The following FAM171B variants were observed in gnomAD, a reference collection of about 807,000 sequenced individuals.
The protein encoded by FAM171B is family with sequence similarity 171 member B, also known as protein FAM171B.
FAM171B carries 19 observed loss-of-function variants against 75.6 expected under a neutral mutation model. The ratio of observed to expected loss-of-function variants is 0.25; its 90% CI spans 0.18 to 0.37. FAM171B has a LOEUF of 0.37. Among genes scored for constraint, FAM171B ranks in the 10% least tolerant of loss-of-function variants. FAM171B has a pLI of 1.00. For missense variants in FAM171B, 848 were observed against 982.4 expected (o/e 0.86, Z 1.83); for synonymous variants, 367 against 361.7 (o/e 1.01, Z -0.17).
At chr2:186,717,423 A>G (rs754416169) in intron 1 of FAM171B, among the ~76,000 whole-genome samples, 11 of 152,178 alleles carry the variant, frequency 7.2e-5, no homozygotes, top group Non-Finnish European at 1.3e-4. Context: ...CTGTTCTGGT[A>G]TTAAGAGGAG....
chr2:186,724,763 G>C (rs138390148), intron 1 of FAM171B, among the ~76,000 whole-genome samples: 17 of 152,192 alleles, frequency 1.1e-4, no homozygotes, highest in Non-Finnish European at 1.8e-4. Flanking sequence ...CTGGAGGTGA[G>C]AGCGTGCCTG....
At chr2:186,760,078 T>C (rs778351272) in intron 6 of FAM171B, among the ~76,000 whole-genome samples, 1 of 152,140 alleles carries the variant, frequency 6.6e-6, no homozygotes, top group Non-Finnish European at 1.5e-5. Context: ...GCACCTTTGT[T>C]GAAAATGAAT....
chr2:186,722,238 T>C (rs1313627687), intron 1 of FAM171B, among the ~76,000 whole-genome samples: 1 of 152,204 alleles, frequency 6.6e-6, no homozygotes, highest in Non-Finnish European at 1.5e-5. Flanking sequence ...GTTTGGGACC[T>C]GCCCCAAATC....
At chr2:186,754,200 A>G (rs1045061365) in intron 6 of FAM171B, 151 bp downstream of exon 6, 5 of 567,470 alleles carry the variant, frequency 8.8e-6, no homozygotes, top group African/African-American at 7.8e-5. Flanking sequence ...TTTTTTTTTC[A>G]TGTGTATCAG....
intron 3 of FAM171B, 137 bp from the exon 4 acceptor site, chr2:186,746,955 A>T (rs1653529222): frequency 1.6e-6 from 1 of 638,740 alleles, no homozygotes; most frequent in Admixed American, 3.3e-5. Flanking sequence ...TTCTGCATTT[A>T]AAATAATTAC....
intron 1 of FAM171B, among the ~76,000 whole-genome samples, chr2:186,718,126 A>G (rs1689899385): frequency 6.6e-6 from 1 of 152,052 alleles, no homozygotes; most frequent in Non-Finnish European, 1.5e-5. Flanking sequence ...CTCCTTTGTC[A>G]TTGCCTCTGC....
intron 1 of FAM171B, among the ~76,000 whole-genome samples, chr2:186,700,145 A>G (rs1201976979): frequency 2.1e-5 from 3 of 145,088 alleles, no homozygotes; most frequent in Admixed American, 6.9e-5. Flanking sequence ...ATTTTAGGTT[A>G]TTTTTTTCTA....
At chr2:186,722,831 A>T (rs2105779444) in intron 1 of FAM171B, among the ~76,000 whole-genome samples, 1 of 152,220 alleles carries the variant, frequency 6.6e-6, no homozygotes, top group East Asian at 1.9e-4. Flanking sequence ...GTTCAGTCTT[A>T]CCCCATTTCC....
chr2:186,729,661 T>TTTTTG (rs933540590), intron 1 of FAM171B, among the ~76,000 whole-genome samples: 6 of 152,296 alleles, frequency 3.9e-5, no homozygotes, highest in African/African-American at 7.2e-5. Flanking sequence ...GCTGAGGTTT[T>TTTTTG]TTTTGTTTTG....
In FAM171B at chr2:186,765,399, T is replaced by C. The variant is rs1690684998; in HGVS notation, c.*2576T>C. ...AAGCACAGCTGTATGTATTTTTGAA[T>C]ACATATTATGATCTTGAGACTTTAT... On this transcript the variant is annotated 3_prime_UTR_variant, in exon 8 of 8. Coordinates refer to ENST00000304698, the MANE Select transcript of FAM171B (RefSeq NM_177454.4). 1 of 152,068 alleles carries C rather than the reference T, an allele frequency of 6.6e-6. No homozygotes were observed. Among genetic ancestry groups the C allele is most frequent in the Non-Finnish European group, 1.5e-5 (1 of 67,946 alleles). 9.4% of individuals were successfully genotyped at this position (152,068 alleles called of 1,614,324 possible). A position where few individuals can be genotyped will look rare whatever the true frequency, so the allele number is the denominator to read the frequency against.
intron 1 of FAM171B, among the ~76,000 whole-genome samples, chr2:186,707,852 AAAG>A (rs1689754175): frequency 6.6e-6 from 1 of 151,730 alleles, no homozygotes; most frequent in Non-Finnish European, 1.5e-5. Context: ...AAAAAAAAAA[AAAG>A]GTTTTTCATT....
At chr2:186,703,102 A>ACAC (rs1689686994) in intron 1 of FAM171B, among the ~76,000 whole-genome samples, 6 of 127,926 alleles carry the variant, frequency 4.7e-5, no homozygotes, top group East Asian at 2.7e-4. Context: ...CACACACACA[A>ACAC]AAGATCTCAC....
chr2:186,730,741 A>G (rs1690102881), intron 1 of FAM171B, among the ~76,000 whole-genome samples: 1 of 152,270 alleles, frequency 6.6e-6, no homozygotes, highest in Non-Finnish European at 1.5e-5. Flanking sequence ...AACATTTTAT[A>G]AATCAAATCC....
At chr2:186,723,204 A>T (rs1689980961) in intron 1 of FAM171B, among the ~76,000 whole-genome samples, 2 of 152,236 alleles carry the variant, frequency 1.3e-5, no homozygotes, top group South Asian at 4.1e-4. Context: ...GGATCTAACC[A>T]GATTTCCACT....
chr2:186,751,809 C>T (rs936672933), intron 5 of FAM171B, among the ~76,000 whole-genome samples: 3 of 152,244 alleles, frequency 2.0e-5, no homozygotes, highest in African/African-American at 7.2e-5. Flanking sequence ...TTTTCATCCT[C>T]AGCTTCCCTT....
chr2:186,701,023 T>C (rs549332799), intron 1 of FAM171B, among the ~76,000 whole-genome samples: 2 of 152,158 alleles, frequency 1.3e-5, no homozygotes, highest in African/African-American at 4.8e-5. Flanking sequence ...CTCAAGTGAT[T>C]CTCCTGCCTT....
At chr2:186,708,694 G>A (rs1574097546) in intron 1 of FAM171B, among the ~76,000 whole-genome samples, 1 of 152,238 alleles carries the variant, frequency 6.6e-6, no homozygotes, top group East Asian at 1.9e-4. Context: ...TAATAAAGTG[G>A]CAGACTTAAG....
At chr2:186,737,940 C>G (rs773207341) in intron 1 of FAM171B, among the ~76,000 whole-genome samples, 2 of 152,210 alleles carry the variant, frequency 1.3e-5, no homozygotes, top group Non-Finnish European at 2.9e-5. Context: ...GTGCTCGGCT[C>G]GCGCCTGCTC....
intron 1 of FAM171B, among the ~76,000 whole-genome samples, chr2:186,703,752 A>G (rs1400922646): frequency 6.6e-6 from 1 of 152,136 alleles, no homozygotes; most frequent in Non-Finnish European, 1.5e-5. Context: ...AACTTGAAAC[A>G]TGCTGCTAAT....
Sources: allele counts gnomAD v4.1 joint callset (sites outside exome capture counted in the v4.1 genomes callset), GRCh38; gene constraint gnomAD v4.1.1; transcripts MANE v1.5; gene names NCBI Gene and HGNC (gene_info 2026-07-23, HGNC 2026-07-21).